Variants in HSD17B3 observed in about 807,000 individuals in gnomAD.
The protein encoded by HSD17B3 is 17-beta-hydroxysteroid dehydrogenase type 3.
HSD17B3 carries 29 observed loss-of-function variants against 41.1 expected under a neutral mutation model. The observed-to-expected ratio is 0.71, with a 90% CI of 0.53 to 0.96. HSD17B3 has a LOEUF of 0.96. Ranked by LOEUF, HSD17B3 falls within the 40% of genes least tolerant of loss-of-function variation. The probability of loss-of-function intolerance (pLI) is 0.00; values close to 1 mark genes in which losing one functional copy is unlikely to be tolerated. For synonymous variants in HSD17B3, 126 were observed against 145.6 expected (o/e 0.87, Z 0.97); for missense variants, 323 against 374.6 (o/e 0.86, Z 1.14).
At chr9:96,278,838 G>A (rs1826575791) in intron 2 of HSD17B3, among the ~76,000 whole-genome samples, 1 of 152,204 alleles carries the variant, frequency 6.6e-6, no homozygotes, top group Non-Finnish European at 1.5e-5. Flanking sequence ...TACAAGGCAA[G>A]CAAGCTTCAG....
chr9:96,285,501 C>T (rs773622169), intron 2 of HSD17B3, among the ~76,000 whole-genome samples: 2 of 152,204 alleles, frequency 1.3e-5, no homozygotes, highest in Non-Finnish European at 2.9e-5. Context: ...CCCGTATCAG[C>T]TTGGTTCCAA....
At chr9:96,249,398 T>G (rs149844174) in intron 6 of HSD17B3, among the ~76,000 whole-genome samples, 1,553 of 152,300 alleles carry the variant, frequency 0.01, 13 homozygotes, top group Non-Finnish European at 0.016. Flanking sequence ...TTTTCCAGAG[T>G]GAGCTTTCCT....
intron 10 of HSD17B3, among the ~76,000 whole-genome samples, chr9:96,236,514 C>CATAAATAAATAAATAAATAAATAA (rs10524217): frequency 5.1e-5 from 7 of 137,118 alleles, no homozygotes; most frequent in African/African-American, 1.7e-4. Context: ...GAGAGTCTGT[C>CATAAATAAATAAATAAATAAATAA]ATAAATAAAT....
chr9:96,279,314 G>A (rs150295627), intron 2 of HSD17B3, among the ~76,000 whole-genome samples: 6 of 152,134 alleles, frequency 3.9e-5, no homozygotes, highest in African/African-American at 7.2e-5. Flanking sequence ...TAAGATGTAC[G>A]TTGCTTCTGT....
At chr9:96,280,049 G>T (rs963763196) in intron 2 of HSD17B3, among the ~76,000 whole-genome samples, 3 of 152,236 alleles carry the variant, frequency 2.0e-5, no homozygotes, top group Admixed American at 6.5e-5. Flanking sequence ...GACTACAGGC[G>T]TGAGCCACTG....
chr9:96,250,131 T>C, intron 5 of HSD17B3: 15 of 1,273,788 alleles, frequency 1.2e-5, no homozygotes, highest in Non-Finnish European at 1.5e-5. Context: ...CCTATGTGAG[T>C]CCAGGAGAAC....
intron 1 of HSD17B3, among the ~76,000 whole-genome samples, chr9:96,301,079 C>A (rs893674128): frequency 5.3e-5 from 8 of 152,258 alleles, no homozygotes; most frequent in East Asian, 3.9e-4. Flanking sequence ...GAAGAAAACT[C>A]ATCTAATGGG....
chr9:96,296,015 G>A (rs921697267), intron 2 of HSD17B3, among the ~76,000 whole-genome samples: 14 of 152,064 alleles, frequency 9.2e-5, no homozygotes, highest in Admixed American at 3.3e-4. Flanking sequence ...TTGGGAGGCC[G>A]AGGCAGGCAG....
intron 2 of HSD17B3, among the ~76,000 whole-genome samples, chr9:96,257,975 A>T (rs1198454226): frequency 6.6e-6 from 1 of 152,114 alleles, no homozygotes; most frequent in Non-Finnish European, 1.5e-5. Flanking sequence ...CTTTATTGCT[A>T]TCCAATTATC....
At chr9:96,263,318 G>T (rs1163050718) in intron 2 of HSD17B3, among the ~76,000 whole-genome samples, 2 of 152,104 alleles carry the variant, frequency 1.3e-5, no homozygotes, top group Non-Finnish European at 2.9e-5. Flanking sequence ...TCTAGTGGCT[G>T]CACTCTTCAA....
chr9:96,294,058 G>C (rs1252206182), intron 2 of HSD17B3, among the ~76,000 whole-genome samples: 1 of 152,172 alleles, frequency 6.6e-6, no homozygotes. Flanking sequence ...CTCTGGAAGG[G>C]AGAAAAGCCT....
At chr9:96,295,924 G>C (rs1827343115) in intron 2 of HSD17B3, among the ~76,000 whole-genome samples, 1 of 151,942 alleles carries the variant, frequency 6.6e-6, no homozygotes, top group Non-Finnish European at 1.5e-5. Context: ...ATGAGAGTGG[G>C]GCCTTCACGA....
At chr9:96,247,281 T>C (rs569232338) in intron 6 of HSD17B3, 2 of 153,342 alleles carry the variant, frequency 1.3e-5, no homozygotes, top group East Asian at 3.8e-4. Context: ...TTCTCTGAAG[T>C]AGAATTGACC....
intron 2 of HSD17B3, among the ~76,000 whole-genome samples, chr9:96,270,036 A>G (rs1826182462): frequency 6.6e-6 from 1 of 152,220 alleles, no homozygotes; most frequent in South Asian, 2.1e-4. Flanking sequence ...CCACTTTGTT[A>G]AAAAGCAAGG....
intron 2 of HSD17B3, among the ~76,000 whole-genome samples, chr9:96,282,441 G>C (rs1826735043): frequency 6.6e-6 from 1 of 152,124 alleles, no homozygotes; most frequent in African/African-American, 2.4e-5. Context: ...AGTTAAATAG[G>C]TCAAATATTA....
chr9:96,256,225 G>A (rs1266457398), intron 2 of HSD17B3: 3 of 152,138 alleles, frequency 2.0e-5, no homozygotes, highest in African/African-American at 7.2e-5. Context: ...CAAAAATGTG[G>A]AATACTTTAC....
intron 2 of HSD17B3, among the ~76,000 whole-genome samples, chr9:96,274,624 C>A (rs901598498): frequency 6.6e-6 from 1 of 151,932 alleles, no homozygotes; most frequent in Non-Finnish European, 1.5e-5. Context: ...CAATAGAAAG[C>A]CTTAACAGCA....
At chr9:96,251,056 GAC>G (rs1448893165) in intron 5 of HSD17B3, 1 of 255,686 alleles carries the variant, frequency 3.9e-6, no homozygotes, top group Non-Finnish European at 7.6e-6. Flanking sequence ...TACCTGGGAA[GAC>G]AGAGAAAGCC....
intron 9 of HSD17B3, among the ~76,000 whole-genome samples, chr9:96,243,738 AC>A (rs1291890072): frequency 3.3e-5 from 5 of 152,348 alleles, no homozygotes; most frequent in Middle Eastern, 3.4e-3. Context: ...GCAGGCAGTG[AC>A]AGCCCAGCTC....
Sources: allele counts gnomAD v4.1 joint callset (sites outside exome capture counted in the v4.1 genomes callset), GRCh38; gene constraint gnomAD v4.1.1; transcripts MANE v1.5; gene names NCBI Gene and HGNC (gene_info 2026-07-23, HGNC 2026-07-21).